NISCH: variants seen among roughly 807,000 people sequenced by gnomAD.
NISCH encodes nischarin, also known as I-1 receptor candidate protein.
NISCH carries 55 observed loss-of-function variants against 138.4 expected under a neutral mutation model. That is an observed-to-expected ratio of 0.40 (90% CI 0.32 to 0.50). NISCH has a LOEUF of 0.50. NISCH is among the 20% of genes least tolerant of loss of function. The pLI is 0.71. For synonymous variants in NISCH, 860 were observed against 861.5 expected, an observed-to-expected ratio of 1.00 and a Z score of 0.03; for missense variants, 1,643 against 2,005.5, an observed-to-expected ratio of 0.82 and a Z score of 3.45.
At chr3:52,471,192 T>G in intron 4 of NISCH, 1 of 509,070 alleles carries the variant, frequency 2.0e-6, no homozygotes, top group Non-Finnish European at 3.5e-6. Flanking sequence ...AGATGGCAGA[T>G]AGAAGCTGAC....
intron 8 of NISCH, among the ~76,000 whole-genome samples, chr3:52,476,976 A>C (rs571835131): frequency 1.3e-5 from 2 of 152,234 alleles, no homozygotes; most frequent in Non-Finnish European, 2.9e-5. Context: ...CGGATGTTGC[A>C]GTGAGCTGAG....
At chr3:52,465,227 T>C (rs892830102) in intron 3 of NISCH, among the ~76,000 whole-genome samples, 1 of 152,134 alleles carries the variant, frequency 6.6e-6, no homozygotes, top group Non-Finnish European at 1.5e-5. Flanking sequence ...CCTCCCAGGC[T>C]CAAGCACTCC....
chr3:52,485,559 C>G (rs1707380101), intron 14 of NISCH, among the ~76,000 whole-genome samples: 1 of 152,192 alleles, frequency 6.6e-6, no homozygotes, highest in South Asian at 2.1e-4. Flanking sequence ...GAATCCCAGC[C>G]CTGCTGTGTG....
At chr3:52,480,847 C>A in intron 13 of NISCH, 1 of 1,533,410 alleles carries the variant, frequency 6.5e-7, no homozygotes, top group Non-Finnish European at 8.7e-7. Context: ...ACTATCTTAG[C>A]GTTTTCAAAG....
chr3:52,468,816 A>C (rs1457838964), intron 3 of NISCH, among the ~76,000 whole-genome samples: 1 of 152,192 alleles, frequency 6.6e-6, no homozygotes, highest in Non-Finnish European at 1.5e-5. Flanking sequence ...TAAATGAATA[A>C]ACACATTTTT....
chr3:52,472,018 G>A (rs367970005), intron 5 of NISCH, 41 bp downstream of exon 5: 172 of 1,534,402 alleles, frequency 1.1e-4, no homozygotes, highest in East Asian at 1.6e-4. Context: ...CCCCGCAGTC[G>A]GTGGGGGTGC....
At chr3:52,491,679 A>G (rs1241980273) in intron 20 of NISCH, 166 bp downstream of exon 20, 2 of 1,047,210 alleles carry the variant, frequency 1.9e-6, no homozygotes, top group Non-Finnish European at 2.7e-6. Context: ...TCTCCACTCC[A>G]GCAGTCCCTC....
At position 52,488,101 on chromosome 3, in the gene NISCH, CG is replaced by C. The variant is rs776070171; in HGVS notation, c.2611del (p.Ala871ProfsTer102). On this transcript the variant is annotated frameshift_variant, in exon 16 of 21. Coordinates refer to ENST00000345716, the MANE Select transcript of NISCH (RefSeq NM_007184.4). LOFTEE classifies it high-confidence loss of function. The stretch of plus-strand genomic sequence containing the variant: ...TACAGTGACAAGCGCATGGTGCAGA[CG>C]GCCGCCGGGGACTACTCAGGCAACA... ...LVYSDKRMVQ[T>X]AAGDYSGNIE... 1 of 1,612,924 alleles carries C rather than the reference CG, an allele frequency of 6.2e-7. No homozygotes were observed. The highest frequency in any genetic ancestry group is 8.5e-7 in the Non-Finnish European group (1 of 1,179,972).
In NISCH at chr3:52,489,625, G is replaced by T; in HGVS notation, c.3403G>T (p.Ala1135Ser). Residue 1135 changes from alanine to serine, a missense_variant, in exon 17 of 21, where the codon GCC (alanine) becomes TCC (serine). By Grantham distance (99) the Ala-to-Ser change is moderately conservative. Transcript: ENST00000345716. Reference sequence around the variant, plus strand: ...TGCCTGCCCGTCGCTCCGGCACGTCGCCAGCCTGCGGGGCAGCGCCATCAT... The same window carrying T: ...TGCCTGCCCGTCGCTCCGGCACGTCTCCAGCCTGCGGGGCAGCGCCATCAT... ...LPACPSLRHVASLRGSAIIEL... is the reference protein window; with the variant it reads ...LPACPSLRHVSSLRGSAIIEL... The T allele has an allele frequency of 6.2e-7, 1 of 1,612,930 alleles. No individual in the cohort carries two copies.
chr3:52,463,965 G>A (rs190223618), intron 3 of NISCH, among the ~76,000 whole-genome samples: 1 of 151,318 alleles, frequency 6.6e-6, no homozygotes, highest in East Asian at 2.0e-4. Flanking sequence ...GGCCTCAAGT[G>A]ATTCGCCCAC....
In NISCH at chr3:52,488,330, G is replaced by T; in HGVS notation, c.2838G>T (p.Val946=). Residue 946 remains valine, a synonymous_variant, in exon 16 of 21, where the codon GTG becomes GTT. Transcript: ENST00000345716. ...RNRNSFKLSR[V]PLSTVLLDPT... ...GCAACAGCTTCAAGCTCAGCCGTGT[G>T]CCGCTCTCCACCGTGCTGCTGGACC... 3 of 1,612,732 alleles carry T rather than the reference G, an allele frequency of 1.9e-6. No homozygotes were observed. The highest frequency in any genetic ancestry group is 2.5e-6 in the Non-Finnish European group (3 of 1,179,992).
intron 1 of NISCH, among the ~76,000 whole-genome samples, 199 bp downstream of exon 1, chr3:52,455,933 C>T (rs960096967): frequency 1.3e-5 from 2 of 148,600 alleles, no homozygotes; most frequent in Non-Finnish European, 3.0e-5. Context: ...TTGCTCGGGG[C>T]CCGGGGAGGC....
At chr3:52,472,510 C>A in intron 6 of NISCH, 112 bp downstream of exon 6, 1 of 926,450 alleles carries the variant, frequency 1.1e-6, no homozygotes, top group Non-Finnish European at 1.7e-6. Context: ...TCGTGTTTGG[C>A]AGTATGTGAC....
intron 11 of NISCH, among the ~76,000 whole-genome samples, chr3:52,478,806 G>A (rs527832027): frequency 2.0e-5 from 3 of 152,286 alleles, no homozygotes; most frequent in East Asian, 3.9e-4. Context: ...TTCTAGGAAA[G>A]GGTCAGAAAT....
At chr3:52,484,462 T>TC (rs1553657122) in intron 13 of NISCH, 51 bp from the exon 14 acceptor site, 2 of 788,670 alleles carry the variant, frequency 2.5e-6, no homozygotes, top group East Asian at 3.5e-5. Context: ...ACAGCCGCTC[T>TC]CCCCGCCCCA....
rs772684261 is a variant in NISCH, at chr3:52,473,823, G to C, written c.759G>C (p.Ser253=). The C allele has an allele frequency of 1.9e-6, 3 of 1,605,890 alleles. No individual in the cohort carries two copies. The highest frequency in any genetic ancestry group is 2.6e-6 in the Non-Finnish European group (3 of 1,174,108). ...TGAGTGTCCGCTTCTCAGCAACCTC[G>C]ATGAAGGTAAGCTTCACCTATATCC... ...ATLSVRFSAT[S]MKEVLVPEAS... is the part of the protein sequence containing the mutation. The change falls in exon 7 of 21, where the codon TCG becomes TCC. Residue 253 remains serine, a synonymous_variant. Transcript: ENST00000345716.
chr3:52,485,681 A>T lies in NISCH; in HGVS notation c.1654-97A>T, dbSNP rs551151432. 4.1e-5 allele frequency: 56 copies of T among 1,356,654 alleles called. 2 individuals are homozygous for T. In the South Asian group the frequency reaches 6.5e-4, roughly 16 times the overall value. 84.0% of individuals were successfully genotyped at this position (1,356,654 alleles called of 1,614,324 possible). A position where few individuals can be genotyped will look rare whatever the true frequency, so the allele number is the denominator to read the frequency against. The stretch of plus-strand genomic sequence containing the variant: ...GATGGGGAGCCTCCTCAGGGCGGTG[A>T]TGGAGGGCAGAATGCCCAGCTCAGG... On this transcript the variant is annotated intron_variant, in intron 14 of 20. Coordinates refer to ENST00000345716, the MANE Select transcript of NISCH (RefSeq NM_007184.4).
chr3:52,489,850 G>A, intron 17 of NISCH, 172 bp downstream of exon 17: 2 of 1,285,020 alleles, frequency 1.6e-6, no homozygotes, highest in Non-Finnish European at 2.1e-6. Context: ...GCCCTCCCCT[G>A]GCCATTTGTG....
chr3:52,455,608 T>G lies in NISCH; in HGVS notation c.-34T>G. On this transcript the variant is annotated 5_prime_UTR_variant, in exon 1 of 21. Coordinates refer to ENST00000345716, the MANE Select transcript of NISCH (RefSeq NM_007184.4). ...ACCCCGCCCCCTGCTGCTGCTAGTC[T>G]GCGCCGGGCGGCGGTGGCGGCGGAG... 7.8e-7 allele frequency: 1 copy of G among 1,279,948 alleles called. No individual in the cohort carries two copies. The highest frequency in any genetic ancestry group is 3.1e-5 in the South Asian group (1 of 32,216). The allele number at this position is 1,279,948 out of a possible 1,614,324, so 79.3% of individuals were successfully genotyped here. A position where few individuals can be genotyped will look rare whatever the true frequency, so the allele number is the denominator to read the frequency against.
Sources: gnomAD v4.1 joint callset for allele counts (sites outside exome capture counted in the v4.1 genomes callset) on GRCh38, gnomAD v4.1.1 for gene constraint, MANE v1.5 for transcripts, NCBI Gene and HGNC (gene_info 2026-07-23, HGNC 2026-07-21) for gene names.